The following ZNF292 variants were observed in gnomAD, a reference collection of about 807,000 sequenced individuals.
ZNF292 encodes 16 zinc-finger domain protein.
Under a neutral mutation model 217.9 loss-of-function variants are expected in ZNF292, and 26 were observed. The ratio of observed to expected loss-of-function variants is 0.12; its 90% CI spans 0.09 to 0.17. ZNF292 has a LOEUF of 0.17. Ranked by LOEUF, ZNF292 falls within the 10% of genes least tolerant of loss-of-function variation. The pLI, the probability that ZNF292 is intolerant of heterozygous loss-of-function variation, is 1.00. For synonymous variants in ZNF292, 1,257 were observed against 1,124.1 expected (o/e 1.12, Z -2.37); for missense variants, 2,904 against 3,175.2 (o/e 0.91, Z 2.05).
rs570994934 is a variant in ZNF292 at position 87,228,518 on chromosome 6, A to AG, written c.539-4807_539-4806insG. 1.2e-3 allele frequency among the ~76,000 whole-genome samples: 185 copies of AG among 152,282 alleles called. 1 individual carries two copies. Among genetic ancestry groups the AG allele is most frequent in the African/African-American group, 4.1e-3 (172 of 41,552 alleles). ...GAAATCATTGCCAGTCTATTGTCAT[A>AG]AAGCTTTTCTCTATGGTTTCTTCTA... On this transcript the variant is annotated intron_variant, in intron 4 of 7. Transcript: ENST00000369577.
At chr6:87,210,832 C>G (rs1772450652) in intron 1 of ZNF292, among the ~76,000 whole-genome samples, 1 of 152,032 alleles carries the variant, frequency 6.6e-6, no homozygotes, top group South Asian at 2.1e-4. Context: ...ACCCACAGAG[C>G]CTGTGTCTGA....
In ZNF292 at chr6:87,259,970, A is replaced by G. The variant is rs1355625225; in HGVS notation, c.6341A>G (p.Tyr2114Cys). The change falls in exon 8 of 8, where the codon TAT becomes TGT. Residue 2114 changes from tyrosine to cysteine, a missense_variant. Physicochemically the swap from Tyr to Cys is radical, Grantham distance 194. Around this residue, in one of 15 missense-constraint regions of ZNF292, gnomAD observed 261 missense variants for 272.8 expected, o/e 0.96. Transcript: ENST00000369577. ...ACAAGATACAGTCCTTACAGACCTT[A>G]TCGATGTGTTCACCAGGGATGCTTT... Reference protein sequence around the residue: ...FPTRYSPYRPYRCVHQGCFAA... With the variant: ...FPTRYSPYRPCRCVHQGCFAA... 3.7e-6 allele frequency: 6 copies of G among 1,613,672 alleles called. No individual in the cohort carries two copies. Among genetic ancestry groups the G allele is most frequent in the Non-Finnish European group, 5.1e-6 (6 of 1,179,688 alleles).
At chr6:87,175,352 CT>C (rs1184269133) in intron 1 of ZNF292, among the ~76,000 whole-genome samples, 4 of 152,082 alleles carry the variant, frequency 2.6e-5, no homozygotes, top group Non-Finnish European at 5.9e-5. Context: ...AAAATGTTCT[CT>C]TTTTTTGAGT....
At chr6:87,212,911 T>C (rs1772566387) in intron 1 of ZNF292, among the ~76,000 whole-genome samples, 2 of 152,230 alleles carry the variant, frequency 1.3e-5, no homozygotes, top group Admixed American at 1.3e-4. Context: ...TCTTCTTTAT[T>C]TGAGGGCTGT....
intron 1 of ZNF292, among the ~76,000 whole-genome samples, chr6:87,160,009 C>T (rs1490477169): frequency 1.3e-5 from 2 of 151,830 alleles, no homozygotes; most frequent in African/African-American, 4.8e-5. Context: ...TAATTGGAAC[C>T]TTTTAGACTA....
At chr6:87,209,461 T>C (rs918635365) in intron 1 of ZNF292, among the ~76,000 whole-genome samples, 40 of 152,200 alleles carry the variant, frequency 2.6e-4, no homozygotes, top group Admixed American at 2.6e-3. Context: ...ACTTAGAAGT[T>C]TTAAAGAGTA....
chr6:87,199,683 C>T (rs1324236685), intron 1 of ZNF292, among the ~76,000 whole-genome samples: 1 of 152,150 alleles, frequency 6.6e-6, no homozygotes, highest in Non-Finnish European at 1.5e-5. Context: ...GTACCATTTC[C>T]TGCGCTGAGA....
intron 1 of ZNF292, among the ~76,000 whole-genome samples, chr6:87,204,785 A>G (rs1329858941): frequency 1.3e-5 from 2 of 151,890 alleles, no homozygotes; most frequent in African/African-American, 4.8e-5. Flanking sequence ...GCTGGTCTCG[A>G]ACACCTGACC....
chr6:87,246,467 T>C (rs1774590001), intron 7 of ZNF292, among the ~76,000 whole-genome samples: 1 of 152,204 alleles, frequency 6.6e-6, no homozygotes, highest in Admixed American at 6.5e-5. Context: ...CTTGAACTGA[T>C]GCTGAGTCTC....
Position 87,237,336 on chromosome 6 carries a change from C to T in ZNF292, c.741+3809C>T, listed in dbSNP as rs114195822. 7.2e-3 allele frequency among the ~76,000 whole-genome samples: 1,091 copies of T among 152,144 alleles called. 9 individuals carry two copies. Among genetic ancestry groups the T allele is most frequent in the African/African-American group, 0.024 (978 of 41,484 alleles). ...TCTCAGCTCATGGTACCTCTGCCTCCGGGGTTCAATTAATTTTGCCTCAGC... is the reference window on the plus strand; with the variant it reads ...TCTCAGCTCATGGTACCTCTGCCTCTGGGGTTCAATTAATTTTGCCTCAGC... On this transcript the variant is annotated intron_variant, in intron 5 of 7. Coordinates refer to ENST00000369577, the MANE Select transcript of ZNF292 (RefSeq NM_015021.3).
chr6:87,238,557 A>G (rs1278122433), intron 5 of ZNF292, among the ~76,000 whole-genome samples: 1 of 150,820 alleles, frequency 6.6e-6, no homozygotes, highest in East Asian at 1.9e-4. Context: ...TATACATAAT[A>G]GATAAATTTG....
chr6:87,228,316 T>G (rs1238036655), intron 4 of ZNF292, among the ~76,000 whole-genome samples: 2 of 152,192 alleles, frequency 1.3e-5, no homozygotes, highest in African/African-American at 4.8e-5. Context: ...CTTTATATAT[T>G]CTTGATATTA....
intron 1 of ZNF292, among the ~76,000 whole-genome samples, chr6:87,202,785 C>A (rs1319336963): frequency 2.0e-5 from 3 of 151,840 alleles, no homozygotes; most frequent in African/African-American, 7.3e-5. Flanking sequence ...TTTTAGTTAC[C>A]CTGGTACAAA....
At chr6:87,155,897 A>G (rs1054650248) in intron 1 of ZNF292, 138 bp downstream of exon 1, 37 of 1,116,168 alleles carry the variant, frequency 3.3e-5, no homozygotes, top group East Asian at 1.6e-4. Context: ...CGGGAGTAGA[A>G]GGAAGGCGCC....
In ZNF292 at chr6:87,257,213, A is replaced by G. The variant is rs1775275232; in HGVS notation, c.3584A>G (p.His1195Arg). The change falls in exon 8 of 8, where the codon CAT becomes CGT. Residue 1195 changes from histidine to arginine, a missense_variant. His to Arg is a conservative substitution (Grantham distance 29). Around this residue, in one of 15 missense-constraint regions of ZNF292, gnomAD observed 687 missense variants for 623.0 expected, o/e 1.10. Coordinates refer to ENST00000369577, the MANE Select transcript of ZNF292 (RefSeq NM_015021.3). ...GTCTCGCCACCCATTTTTCCAGCTC[A>G]TTTAGCAAGTGTGTCAACTCCATTG... is the stretch of plus-strand genomic sequence containing the variant. ...QHVSPPIFPA[H>R]LASVSTPLLS... 1 of 1,613,816 alleles carries G rather than the reference A, an allele frequency of 6.2e-7. No individual in the cohort carries two copies. The highest frequency in any genetic ancestry group is 8.5e-7 in the Non-Finnish European group (1 of 1,179,820).
chr6:87,157,231 G>A (rs1214774599), intron 1 of ZNF292, among the ~76,000 whole-genome samples: 2 of 152,230 alleles, frequency 1.3e-5, no homozygotes, highest in African/African-American at 4.8e-5. Context: ...GATGTGCAAT[G>A]TGAAAGCTCC....
chr6:87,211,799 A>G (rs573825179), intron 1 of ZNF292, among the ~76,000 whole-genome samples: 1 of 152,288 alleles, frequency 6.6e-6, no homozygotes, highest in South Asian at 2.1e-4. Flanking sequence ...TTGCAGGAAG[A>G]CATTTAGGTT....
At chr6:87,244,306 T>C (rs1774459127) in intron 6 of ZNF292, among the ~76,000 whole-genome samples, 1 of 152,178 alleles carries the variant, frequency 6.6e-6, no homozygotes, top group African/African-American at 2.4e-5. Flanking sequence ...AAAAATAGTA[T>C]ATGCAATACA....
chr6:87,215,808 G>T (rs868001952), intron 1 of ZNF292, 95 bp from the exon 2 acceptor site: 7 of 915,294 alleles, frequency 7.6e-6, no homozygotes, highest in Non-Finnish European at 7.7e-6. Flanking sequence ...ATAAAAATCT[G>T]TATTTTTCAA....
Sources: gnomAD v4.1 joint callset for allele counts (sites outside exome capture counted in the v4.1 genomes callset) on GRCh38, gnomAD v4.1.1 for gene constraint, gnomAD v4.1.1 regional missense constraint, MANE v1.5 for transcripts, NCBI Gene and HGNC (gene_info 2026-07-23, HGNC 2026-07-21) for gene names.